NCBP3: variants seen among roughly 807,000 people sequenced by gnomAD.
NCBP3 encodes nuclear cap binding subunit 3.
A neutral mutation model predicts 75.7 loss-of-function variants in NCBP3; 20 were observed. That is an observed-to-expected ratio of 0.26 (90% CI 0.19 to 0.38). The LOEUF (loss-of-function observed/expected upper bound fraction) is 0.38, where lower values mean the gene tolerates loss of function less well. Ranked by LOEUF, NCBP3 falls within the 10% of genes least tolerant of loss-of-function variation. The probability of loss-of-function intolerance (pLI) is 1.00; values close to 1 mark genes in which losing one functional copy is unlikely to be tolerated. For synonymous variants in NCBP3, 293 were observed against 290.5 expected (o/e 1.01, Z -0.09); for missense variants, 678 against 796.9 (o/e 0.85, Z 1.80).
chr17:3,837,947 A>G (rs550139908), intron 3 of NCBP3, among the ~76,000 whole-genome samples: 2 of 152,016 alleles, frequency 1.3e-5, no homozygotes, highest in African/African-American at 2.4e-5. Context: ...TTTTTTAGGA[A>G]TATCTTTAGA....
intron 1 of NCBP3, among the ~76,000 whole-genome samples, chr17:3,843,483 C>T (rs1216420747): frequency 6.6e-6 from 1 of 152,226 alleles, no homozygotes; most frequent in Admixed American, 6.5e-5. Flanking sequence ...GTCCTCCTGC[C>T]TCAGTCTCCC....
rs1001069869 is a variant in NCBP3, at chr17:3,826,935, G to A, written c.482-720C>T. 1.5e-4 allele frequency among the ~76,000 whole-genome samples: 19 copies of A among 126,904 alleles called. No homozygotes were observed. The East Asian group carries it at 4.4e-3, about 29-fold the overall frequency. 83.3% of individuals were successfully genotyped at this position (126,904 alleles called of 152,430 possible). Reference sequence around the variant, plus strand: ...GGCTGAGGCAGAATGGCGTGAACCCGGGAGGCAGAGCTTGCAGTGAGCCGA... The same window carrying A: ...GGCTGAGGCAGAATGGCGTGAACCCAGGAGGCAGAGCTTGCAGTGAGCCGA... On this transcript the variant is annotated intron_variant, in intron 4 of 12. Coordinates refer to ENST00000389005, the MANE Select transcript of NCBP3 (RefSeq NM_001114118.3).
At chr17:3,838,315 G>C (rs1020849194) in intron 3 of NCBP3, among the ~76,000 whole-genome samples, 1 of 152,230 alleles carries the variant, frequency 6.6e-6, no homozygotes, top group Non-Finnish European at 1.5e-5. Context: ...GAATGCTCTC[G>C]GGACCAGAGG....
At position 3,818,499 on chromosome 17, in the gene NCBP3, TTCTTCCTCTTCC is replaced by T; in HGVS notation, c.1062_1073del (p.Glu356_Glu359del). The T allele has an allele frequency of 6.2e-7, 1 of 1,613,582 alleles. No individual in the cohort carries two copies. On this transcript the variant is annotated inframe_deletion, in exon 10 of 13. Coordinates refer to ENST00000389005, the MANE Select transcript of NCBP3 (RefSeq NM_001114118.3). This position sits in a 1 kb window ranked among gnomAD's most constrained non-coding sequence, Gnocchi z 4.7. ...CATCTGCATCCATGTCCTGGTCTTC[TTCTTCCTCTTCC>T]TCTTCCTCCTCCTCCTCCTCTTCCT...
intron 3 of NCBP3, among the ~76,000 whole-genome samples, chr17:3,836,606 T>C (rs948581707): frequency 1.4e-5 from 2 of 147,162 alleles, no homozygotes; most frequent in East Asian, 2.0e-4. Flanking sequence ...TGAGCCAAGA[T>C]TGCGCCACTG....
At position 3,845,306 on chromosome 17, in the gene NCBP3, G is replaced by C. The variant is rs190553170; in HGVS notation, c.183+735C>G. On this transcript the variant is annotated intron_variant, in intron 1 of 12. Transcript: ENST00000389005. ...TGTGGTCAAAAGTAATTCATGTTAG[G>C]TGAGAAATTAAGAGGAGTCATCCAG... is the stretch of plus-strand genomic sequence containing the variant. 1.3e-3 allele frequency among the ~76,000 whole-genome samples: 194 copies of C among 152,290 alleles called. 1 individual carries two copies. Among genetic ancestry groups the C allele is most frequent in the African/African-American group, 4.2e-3 (174 of 41,554 alleles).
chr17:3,834,251 C>T (rs2053936688), intron 3 of NCBP3, among the ~76,000 whole-genome samples: 1 of 152,100 alleles, frequency 6.6e-6, no homozygotes, highest in African/African-American at 2.4e-5. Context: ...ATAGACTGTC[C>T]AGGGAATGGA....
At chr17:3,839,970 A>G in intron 3 of NCBP3, 130 bp downstream of exon 3, 1 of 647,930 alleles carries the variant, frequency 1.5e-6, no homozygotes, top group South Asian at 2.0e-5. Flanking sequence ...GAGACTTCAC[A>G]GGTCCCTTCT....
In NCBP3 at chr17:3,829,373, AAAGAC is replaced by A. The variant is rs2143682682; in HGVS notation, c.356-10_356-6del. ...CCAGTCTCACCTTGGGGATTGCTAGAAAGACAAGACACAGAAAAGATGATAGAATT... is the reference window on the plus strand; with the variant it reads ...CCAGTCTCACCTTGGGGATTGCTAGAAAGACACAGAAAAGATGATAGAATT... On this transcript the variant is annotated splice_polypyrimidine_tract_variant and splice_region_variant and intron_variant, in intron 3 of 12. Transcript: ENST00000389005. The A allele has an allele frequency of 2.6e-6, 4 of 1,551,694 alleles. No individual in the cohort carries two copies. Among genetic ancestry groups the A allele is most frequent in the Non-Finnish European group, 3.5e-6 (4 of 1,146,828 alleles).
Position 3,846,074 on chromosome 17 carries a change from C to T in NCBP3, c.150G>A (p.Val50=), listed in dbSNP as rs1315511298. 6.5e-7 allele frequency: 1 copy of T among 1,549,428 alleles called. No homozygotes were observed. Among genetic ancestry groups the T allele is most frequent in the East Asian group, 2.5e-5 (1 of 40,456 alleles). The part of the protein sequence containing the change: ...MEVEEGELEI[V]PVRRSLKELI... ...GTTCCTTGAGCGAGCGCCGCACAGGCACGATTTCCAGCTCGCCCTCCTCCA... is the reference window on the plus strand; with the variant it reads ...GTTCCTTGAGCGAGCGCCGCACAGGTACGATTTCCAGCTCGCCCTCCTCCA... Residue 50 remains valine, a synonymous_variant, in exon 1 of 13, where the codon GTG becomes GTA. Coordinates refer to ENST00000389005, the MANE Select transcript of NCBP3 (RefSeq NM_001114118.3). The surrounding 1 kb of genome is among the most constrained non-coding windows in gnomAD (Gnocchi z 4.6).
intron 12 of NCBP3, among the ~76,000 whole-genome samples, 192 bp from the exon 13 acceptor site, chr17:3,813,471 G>A (rs757297112): frequency 9.9e-5 from 15 of 152,096 alleles, no homozygotes; most frequent in Middle Eastern, 3.2e-3. Flanking sequence ...CAAACGGAAG[G>A]GTCTGGACCC....
chr17:3,830,746 C>T (rs1290791930), intron 3 of NCBP3, among the ~76,000 whole-genome samples: 2 of 152,078 alleles, frequency 1.3e-5, no homozygotes, highest in African/African-American at 4.8e-5. Flanking sequence ...TACCACCACA[C>T]CCGGCTAATT....
intron 8 of NCBP3, 126 bp downstream of exon 8, chr17:3,821,827 A>T: frequency 1.5e-6 from 1 of 671,476 alleles, no homozygotes; most frequent in Middle Eastern, 2.5e-4. Context: ...CACATCTAAG[A>T]ATCTTGAATT....
intron 1 of NCBP3, 146 bp downstream of exon 1, chr17:3,845,895 G>T: frequency 1.1e-6 from 1 of 947,514 alleles, no homozygotes; most frequent in Non-Finnish European, 1.5e-6. Flanking sequence ...CCAGCCCGGC[G>T]TTCCCGTTCC....
intron 4 of NCBP3, among the ~76,000 whole-genome samples, chr17:3,828,820 C>CT (rs1335579600): frequency 2.0e-5 from 3 of 152,112 alleles, no homozygotes; most frequent in Non-Finnish European, 4.4e-5. Flanking sequence ...TGGTCTATCT[C>CT]TAGGTCAGAG....
chr17:3,837,993 T>A (rs12944475), intron 3 of NCBP3, among the ~76,000 whole-genome samples: 61,041 of 146,466 alleles, frequency 0.42, 13,447 homozygotes, highest in East Asian at 0.59. Context: ...AAAAAAAAAA[T>A]TTTTTTAAAT....
rs138378952 is a variant in NCBP3, at chr17:3,813,122, C to G, written c.1785G>C (p.Lys595Asn). ...IKEKEQSRQK[K>N]SRLDNLPSLQ... ...GAGATGGTAAGTTATCTAACCGGCTCTTCTTTTGGCGAGACTGCTCTTTCT... is the reference window on the plus strand; with the variant it reads ...GAGATGGTAAGTTATCTAACCGGCTGTTCTTTTGGCGAGACTGCTCTTTCT... Residue 595 changes from lysine to asparagine, a missense_variant, in exon 13 of 13, where the codon AAG becomes AAC. Physicochemically the swap from Lys to Asn is moderately conservative, Grantham distance 94. Transcript: ENST00000389005. The G allele has an allele frequency of 2.3e-3, 3,732 of 1,614,264 alleles. 11 individuals are homozygous for G. Among genetic ancestry groups the G allele is most frequent in the Non-Finnish European group, 3.0e-3 (3,598 of 1,180,046 alleles).
At chr17:3,837,623 A>G (rs987408317) in intron 3 of NCBP3, among the ~76,000 whole-genome samples, 4 of 150,544 alleles carry the variant, frequency 2.7e-5, no homozygotes, top group African/African-American at 9.8e-5. Flanking sequence ...AGTCCCAGCT[A>G]CTCGGGAGGC....
chr17:3,829,841 A>C (rs990192509), intron 3 of NCBP3, among the ~76,000 whole-genome samples: 4 of 152,208 alleles, frequency 2.6e-5, no homozygotes, highest in African/African-American at 7.2e-5. Flanking sequence ...AAGAAGAAAA[A>C]GACAACCCAA....
Sources: gnomAD v4.1 joint callset for allele counts (sites outside exome capture counted in the v4.1 genomes callset) on GRCh38, gnomAD v4.1.1 for gene constraint, Gnocchi (gnomAD v3.1) non-coding constraint, MANE v1.5 for transcripts, NCBI Gene and HGNC (gene_info 2026-07-23, HGNC 2026-07-21) for gene names.